USH2A: variants seen among roughly 807,000 people sequenced by gnomAD.
USH2A encodes usherin.
A neutral mutation model predicts 538.9 loss-of-function variants in USH2A; 443 were observed. That is an observed-to-expected ratio of 0.82 (90% CI 0.76 to 0.89). USH2A has a LOEUF of 0.89. Ranked by LOEUF, USH2A falls within the 40% of genes least tolerant of loss-of-function variation. The pLI is 0.00. For missense variants in USH2A, 6,633 were observed against 6,324.8 expected (o/e 1.05, Z -1.65); for synonymous variants, 2,413 against 2,273.5 (o/e 1.06, Z -1.75).
At position 216,289,395 on chromosome 1, in the gene USH2A, A is replaced by G. The variant is rs777701725; in HGVS notation, c.1856T>C (p.Leu619Pro). 1 of 1,613,962 alleles carries G rather than the reference A, an allele frequency of 6.2e-7. No homozygotes were observed. The highest frequency in any genetic ancestry group is 8.5e-7 in the Non-Finnish European group (1 of 1,179,818). The change falls in exon 11 of 72, where the codon CTG (leucine) becomes CCG (proline). Residue 619 changes from leucine (L) to proline (P), a missense_variant. By Grantham distance (98) the Leu-to-Pro change is moderately conservative. Coordinates refer to ENST00000307340, the MANE Select transcript of USH2A (RefSeq NM_206933.4). Reference protein sequence around the residue: ...EHNTTGRNCELCKDYFFRQVG... With the variant: ...EHNTTGRNCEPCKDYFFRQVG... ...TTGTCGGAAAAAGTAATCCTTGCAC[A>G]GCTCACAGTTCCTTCCTGCATCAGG...
chr1:216,419,637 A>G (rs756643079), intron 2 of USH2A, among the ~76,000 whole-genome samples: 6 of 152,084 alleles, frequency 3.9e-5, no homozygotes, highest in Non-Finnish European at 8.8e-5. Context: ...ACTCCATTAG[A>G]TCATTTAGAT....
At chr1:215,740,892 A>G (rs1159533475) in intron 60 of USH2A, among the ~76,000 whole-genome samples, 1 of 152,140 alleles carries the variant, frequency 6.6e-6, no homozygotes, top group Non-Finnish European at 1.5e-5. Context: ...TGCGCAGTTC[A>G]CAATAGGGTT....
At chr1:215,662,260 C>T (rs140074158) in intron 64 of USH2A, among the ~76,000 whole-genome samples, 4 of 152,300 alleles carry the variant, frequency 2.6e-5, no homozygotes, top group African/African-American at 9.6e-5. Flanking sequence ...GGCATATTAT[C>T]TACATTCAGT....
chr1:216,076,965 C>A (rs959364575), intron 27 of USH2A, among the ~76,000 whole-genome samples: 2 of 152,112 alleles, frequency 1.3e-5, no homozygotes, highest in African/African-American at 2.4e-5. Flanking sequence ...TAAAAGAGAG[C>A]ATTGACTGTA....
At position 215,992,794 on chromosome 1, in the gene USH2A, A is replaced by G. The variant is rs76069573; in HGVS notation, c.6805+226T>C. ...CTCCTGGAGCATATTAAACAATGAG[A>G]TGCAGTACACAAAAACTATCAAAAG... On this transcript the variant is annotated intron_variant, in intron 35 of 71. Coordinates refer to ENST00000307340, the MANE Select transcript of USH2A (RefSeq NM_206933.4). Among the ~76,000 whole-genome samples the G allele has an allele frequency of 2.8e-3, 424 of 152,252 alleles. 1 individual carries two copies. Among genetic ancestry groups the G allele is most frequent in the African/African-American group, 9.4e-3 (390 of 41,552 alleles).
chr1:215,644,960 T>G (rs1318414157), intron 67 of USH2A, among the ~76,000 whole-genome samples: 1 of 152,060 alleles, frequency 6.6e-6, no homozygotes, highest in African/African-American at 2.4e-5. Flanking sequence ...AGAGAAGGGA[T>G]GGTGAGTAAT....
At chr1:216,267,610 T>C (rs1010952261) in intron 11 of USH2A, among the ~76,000 whole-genome samples, 1 of 152,104 alleles carries the variant, frequency 6.6e-6, no homozygotes, top group Non-Finnish European at 1.5e-5. Flanking sequence ...ACATCTCTTT[T>C]GGGAAAGTGT....
intron 44 of USH2A, among the ~76,000 whole-genome samples, chr1:215,850,777 T>C (rs957000135): frequency 6.6e-6 from 1 of 152,160 alleles, no homozygotes; most frequent in Non-Finnish European, 1.5e-5. Context: ...TTCTCCAAGA[T>C]AGTCCATATG....
intron 3 of USH2A, among the ~76,000 whole-genome samples, chr1:216,367,271 TAAGAA>T (rs2038617250): frequency 6.6e-6 from 1 of 152,208 alleles, no homozygotes; most frequent in Non-Finnish European, 1.5e-5. Flanking sequence ...ACAGTTTATT[TAAGAA>T]AAGAAAATTG....
chr1:216,029,558 T>A (rs1669042784), intron 32 of USH2A, among the ~76,000 whole-genome samples: 2 of 151,952 alleles, frequency 1.3e-5, no homozygotes, highest in African/African-American at 4.8e-5. Context: ...ATGCTATTTA[T>A]TACAAATTTG....
intron 61 of USH2A, among the ~76,000 whole-genome samples, chr1:215,709,316 A>C (rs750344500): frequency 6.6e-6 from 1 of 152,218 alleles, no homozygotes; most frequent in Non-Finnish European, 1.5e-5. Context: ...GATACTATTT[A>C]ACTAGTACAT....
At position 215,743,435 on chromosome 1, in the gene USH2A, CAT is replaced by C. The variant is rs1246495817; in HGVS notation, c.11390-102_11390-101del. ...GTGTGTGTATATATATATAGACACA[CAT>C]ATATATATAAATAAATATATATAGA... On this transcript the variant is annotated intron_variant, in intron 58 of 71. Coordinates refer to ENST00000307340, the MANE Select transcript of USH2A (RefSeq NM_206933.4). The C allele has an allele frequency of 3.8e-4, 93 of 242,754 alleles. 7 individuals are homozygous for C. The highest frequency in any genetic ancestry group is 2.1e-3 in the African/African-American group (56 of 26,514). The allele number at this position is 242,754 out of a possible 1,614,324, so 15.0% of individuals were successfully genotyped here.
chr1:215,719,307 G>A (rs1184180968), intron 61 of USH2A, among the ~76,000 whole-genome samples: 1 of 142,876 alleles, frequency 7.0e-6, no homozygotes, highest in East Asian at 2.1e-4. Context: ...TGGCAGGTAT[G>A]TGATGTTGTT....
chr1:215,829,874 A>T (rs1297689450), intron 47 of USH2A, among the ~76,000 whole-genome samples: 1 of 152,136 alleles, frequency 6.6e-6, no homozygotes, highest in Non-Finnish European at 1.5e-5. Context: ...TGGGGGGGAA[A>T]AGGAAAGTTG....
At chr1:216,236,140 CT>C (rs2035811351) in intron 13 of USH2A, among the ~76,000 whole-genome samples, 1 of 151,796 alleles carries the variant, frequency 6.6e-6, no homozygotes, top group South Asian at 2.1e-4. Context: ...TATAATTTCT[CT>C]TTTTTAAAAC....
At chr1:216,244,011 C>G (rs894323666) in intron 13 of USH2A, among the ~76,000 whole-genome samples, 1 of 151,920 alleles carries the variant, frequency 6.6e-6, no homozygotes, top group Non-Finnish European at 1.5e-5. Flanking sequence ...TTCAAAAACA[C>G]CTTATTTTCA....
Position 216,088,931 on chromosome 1 carries a change from A to G in USH2A, c.4885+82T>C, listed in dbSNP as rs905500254. 1.9e-6 allele frequency: 3 copies of G among 1,579,330 alleles called. No homozygotes were observed. The African/African-American group carries it at 4.1e-5, about 21-fold the overall frequency. On this transcript the variant is annotated intron_variant, in intron 23 of 71. Coordinates refer to ENST00000307340, the MANE Select transcript of USH2A (RefSeq NM_206933.4). The stretch of plus-strand genomic sequence containing the variant: ...TGAGTAGAAATTATGGTGAAATAAG[A>G]ATGTAGGAATATAAACAACAGAAAA...
chr1:216,369,920 CA>C (rs71161416), intron 3 of USH2A, among the ~76,000 whole-genome samples: 272 of 127,344 alleles, frequency 2.1e-3, no homozygotes, highest in African/African-American at 4.3e-3. Context: ...GAGACTCTGC[CA>C]AAAAAAAAAA....
chr1:216,005,316 G>A (rs4350180), intron 32 of USH2A, among the ~76,000 whole-genome samples: 5,525 of 151,976 alleles, frequency 0.036, 327 homozygotes, highest in African/African-American at 0.13. Context: ...TCATCCCCAG[G>A]TTCTTGTTAT....
Sources: gnomAD v4.1 joint callset for allele counts (sites outside exome capture counted in the v4.1 genomes callset) on GRCh38, gnomAD v4.1.1 for gene constraint, MANE v1.5 for transcripts, NCBI Gene and HGNC (gene_info 2026-07-23, HGNC 2026-07-21) for gene names.